The following MYBBP1A variants were observed in gnomAD, a reference collection of about 807,000 sequenced individuals.
The protein encoded by MYBBP1A is myb-binding protein 1A.
Under a neutral mutation model 136.3 loss-of-function variants are expected in MYBBP1A, and 147 were observed. The ratio of observed to expected loss-of-function variants is 1.08; its 90% confidence interval spans 0.94 to 1.24. MYBBP1A has a LOEUF of 1.24. Ranked by LOEUF, MYBBP1A falls within the 50% of genes most tolerant of loss-of-function variation. MYBBP1A has a pLI of 0.00. For missense variants in MYBBP1A, 2,060 were observed against 1,727.4 expected, an observed-to-expected ratio of 1.19 and a Z score of -3.41; for synonymous variants, 947 against 735.8, an observed-to-expected ratio of 1.29 and a Z score of -4.65.
rs1360329967 is a variant in MYBBP1A, at chr17:4,554,942, T to C, written c.213A>G (p.Lys71=). Residue 71 remains lysine (K), a synonymous_variant, in exon 2 of 26, where the codon AAA becomes AAG. Transcript: ENST00000254718. ...CCGTGATTAGACGCTTCAGGGCATA[T>C]TTCATCTCGGACCCCTGCGGAACCA... ...LRGRPKGSEM[K]YALKRLITGL... 3 of 1,613,386 alleles carry C rather than the reference T, an allele frequency of 1.9e-6. No individual in the cohort carries two copies. The highest frequency in any genetic ancestry group is 2.7e-5 in the African/African-American group (2 of 74,908).
At position 4,547,958 on chromosome 17, in the gene MYBBP1A, C is replaced by G. The variant is rs1319583392; in HGVS notation, c.1824G>C (p.Lys608Asn). 6.6e-7 allele frequency: 1 copy of G among 1,504,990 alleles called. No individual in the cohort carries two copies. Among genetic ancestry groups the G allele is most frequent in the Non-Finnish European group, 8.9e-7 (1 of 1,124,106 alleles). The allele number at this position is 1,504,990 out of a possible 1,614,324, so 93.2% of individuals were successfully genotyped here. The part of the protein sequence containing the change: ...LLLLVGIHLL[K>N]SPAESCDLLG... ...GCCCCTCCCTCCCAGGCCCCAGTAC[C>G]TTGAGGAGGTGGATGCCCACGAGGA... Residue 608 changes from lysine (K) to asparagine (N), a missense_variant and splice_region_variant, in exon 13 of 26, where the codon AAG (lysine) becomes AAC (asparagine). By Grantham distance (94) the Lys-to-Asn change is moderately conservative. Coordinates refer to ENST00000254718, the MANE Select transcript of MYBBP1A (RefSeq NM_014520.4).
chr17:4,539,527 AGTG>A lies in MYBBP1A; in HGVS notation c.3872_3874del (p.Pro1291del), dbSNP rs1906151683. The A allele has an allele frequency of 1.2e-6, 2 of 1,614,090 alleles. No homozygotes were observed. The highest frequency in any genetic ancestry group is 1.7e-6 in the Non-Finnish European group (2 of 1,180,014). ...TGCCTTTTTCCGTGCCAGCGCGGACAGTGGTGATTTGCCCAAGACCCCCTTTTT... is the reference window on the plus strand; with the variant it reads ...TGCCTTTTTCCGTGCCAGCGCGGACAGTGATTTGCCCAAGACCCCCTTTTT... On this transcript the variant is annotated inframe_deletion, in exon 26 of 26. Coordinates refer to ENST00000254718, the MANE Select transcript of MYBBP1A (RefSeq NM_014520.4).
chr17:4,553,814 G>A lies in MYBBP1A; in HGVS notation c.557C>T (p.Ser186Phe), dbSNP rs1000797393. 7 of 1,613,754 alleles carry A rather than the reference G, an allele frequency of 4.3e-6. No homozygotes were observed. Among genetic ancestry groups the A allele is most frequent in the African/African-American group, 2.7e-5 (2 of 74,924 alleles). ...GCACAGCTGGGGAGCTCATACCTCG[G>A]AGAGGATGTCCACCAGGGCCTTCCG... ...QPRKALVDILSEVSKATLQEI... is the reference protein window; with the variant it reads ...QPRKALVDILFEVSKATLQEI... The change falls in exon 5 of 26, where the codon TCC (serine) becomes TTC (phenylalanine). Residue 186 changes from serine to phenylalanine, a missense_variant. By Grantham distance (155) the Ser-to-Phe change is radical. Coordinates refer to ENST00000254718, the MANE Select transcript of MYBBP1A (RefSeq NM_014520.4).
At chr17:4,540,045 G>C in intron 25 of MYBBP1A, 78 bp from the exon 26 acceptor site, 10 of 1,480,388 alleles carry the variant, frequency 6.8e-6, no homozygotes, top group Non-Finnish European at 8.2e-6. Flanking sequence ...ACCTCCACCT[G>C]GATTCTGAGG....
chr17:4,542,383 G>A, intron 22 of MYBBP1A, 81 bp downstream of exon 22: 1 of 1,459,938 alleles, frequency 6.8e-7, no homozygotes, highest in Non-Finnish European at 9.3e-7. Context: ...AGCGCTCTGG[G>A]GCCTCACAAT....
Position 4,552,689 on chromosome 17 carries a change from C to G in MYBBP1A, c.562-63G>C. On this transcript the variant is annotated intron_variant, in intron 5 of 25. Coordinates refer to ENST00000254718, the MANE Select transcript of MYBBP1A (RefSeq NM_014520.4). This position sits in a 1 kb window ranked among gnomAD's most constrained non-coding sequence, Gnocchi z 4.7. ...CGGGGTGAGCCTGGTGGATCCTGTT[C>G]TACCTGCTCCTGACACGGGGCCACC... 6.6e-7 allele frequency: 1 copy of G among 1,508,082 alleles called. No individual in the cohort carries two copies. Among genetic ancestry groups the G allele is most frequent in the African/African-American group, 1.4e-5 (1 of 72,512 alleles). 93.4% of individuals were successfully genotyped at this position (1,508,082 alleles called of 1,614,324 possible).
intron 5 of MYBBP1A, 91 bp downstream of exon 5, chr17:4,553,719 G>A (rs1907747166): frequency 2.2e-6 from 2 of 914,716 alleles, no homozygotes; most frequent in Non-Finnish European, 1.7e-6. Context: ...GTATTTCTAT[G>A]GAACAGTGCT....
In MYBBP1A at chr17:4,553,848, C is replaced by T; in HGVS notation, c.523G>A (p.Glu175Lys). The part of the protein sequence containing the change: ...ALAQYQNHLQ[E>K]QPRKALVDIL... ...TCCACCAGGGCCTTCCGGGGCTGCT[C>T]CTGCAAGTGGTTTTGGTACTGGGCC... The change falls in exon 5 of 26, where the codon GAG becomes AAG. Residue 175 changes from glutamate (E) to lysine (K), a missense_variant. Transcript: ENST00000254718. 1 of 1,614,082 alleles carries T rather than the reference C, an allele frequency of 6.2e-7. No individual in the cohort carries two copies. Among genetic ancestry groups the T allele is most frequent in the Non-Finnish European group, 8.5e-7 (1 of 1,180,036 alleles).
rs1321601752 is a variant in MYBBP1A, at chr17:4,552,351, A to G, written c.738-59T>C. On this transcript the variant is annotated intron_variant, in intron 6 of 25. Coordinates refer to ENST00000254718, the MANE Select transcript of MYBBP1A (RefSeq NM_014520.4). This position sits in a 1 kb window ranked among gnomAD's most constrained non-coding sequence, Gnocchi z 4.7. ...CTCACAGGCAAGGGCCAGGGTGACA[A>G]GAGCAGCCGGGACACCCCCAGGCCA... The G allele has an allele frequency of 3.1e-6, 5 of 1,607,414 alleles. No individual in the cohort carries two copies. The Admixed American group carries it at 8.4e-5, about 27-fold the overall frequency.
chr17:4,546,139 G>A (rs1428570456), intron 13 of MYBBP1A, among the ~76,000 whole-genome samples, 197 bp from the exon 14 acceptor site: 1 of 152,244 alleles, frequency 6.6e-6, no homozygotes, highest in Non-Finnish European at 1.5e-5. Flanking sequence ...GGGCTTTTGA[G>A]ATGGAGTCTC....
At chr17:4,546,487 G>C (rs1369415217) in intron 13 of MYBBP1A, among the ~76,000 whole-genome samples, 1 of 152,094 alleles carries the variant, frequency 6.6e-6, no homozygotes, top group Non-Finnish European at 1.5e-5. Flanking sequence ...AGGGGACAAG[G>C]AGTCCAACTC....
At chr17:4,549,773 G>C (rs1907336267) in intron 9 of MYBBP1A, among the ~76,000 whole-genome samples, 1 of 111,420 alleles carries the variant, frequency 9.0e-6, no homozygotes, top group Non-Finnish European at 1.7e-5. Context: ...GCCACAGAGA[G>C]TGAGACTCTG....
In MYBBP1A at chr17:4,545,960, C is replaced by A; in HGVS notation, c.1825-18G>T. 1 of 1,609,270 alleles carries A rather than the reference C, an allele frequency of 6.2e-7. No homozygotes were observed. The highest frequency in any genetic ancestry group is 2.2e-5 in the East Asian group (1 of 44,810). On this transcript the variant is annotated intron_variant, in intron 13 of 25. Coordinates refer to ENST00000254718, the MANE Select transcript of MYBBP1A (RefSeq NM_014520.4). ...GCAGGGGACTGCGGGCAGGGTAGGA[C>A]ACACACTGGGGCCAGGCCCTGTCCC...
In MYBBP1A at chr17:4,538,998, T is replaced by C. The variant is rs752986044; in HGVS notation, c.*417A>G. On this transcript the variant is annotated 3_prime_UTR_variant, in exon 26 of 26. Transcript: ENST00000254718. ...AGTCTTAAGAGAGAAGCCAAATATA[T>C]TCCTCTTGTAAATGAAGAAATAAAC... 2.5e-6 allele frequency: 2 copies of C among 808,990 alleles called. No homozygotes were observed. The highest frequency in any genetic ancestry group is 1.3e-5 in the South Asian group (1 of 75,150). 50.1% of individuals were successfully genotyped at this position (808,990 alleles called of 1,614,324 possible). A position where few individuals can be genotyped will look rare whatever the true frequency, so the allele number is the denominator to read the frequency against.
intron 10 of MYBBP1A, among the ~76,000 whole-genome samples, chr17:4,549,015 G>T (rs1396939847): frequency 1.3e-5 from 2 of 152,260 alleles, no homozygotes; most frequent in African/African-American, 2.4e-5. Context: ...AGGGTGACGT[G>T]AGCACCCAGC....
At chr17:4,540,541 GC>G in intron 24 of MYBBP1A, 57 bp from the exon 25 acceptor site, 1 of 1,507,754 alleles carries the variant, frequency 6.6e-7, no homozygotes, top group Non-Finnish European at 8.9e-7. Flanking sequence ...CCTCTCGCGG[GC>G]TCCCAGTCTT....
Position 4,554,048 on chromosome 17 carries a change from C to T in MYBBP1A, c.424G>A (p.Ala142Thr), listed in dbSNP as rs141664191. ...ACCAGCCGACCTGACTGAAAGAGGGCGAGCACTCCAAACAGGTTTGCAAAG... is the reference window on the plus strand; with the variant it reads ...ACCAGCCGACCTGACTGAAAGAGGGTGAGCACTCCAAACAGGTTTGCAAAG... ...ALFANLFGVL[A>T]LFQSGRLVKD... Residue 142 changes from alanine to threonine, a missense_variant, in exon 4 of 26, where the codon GCC becomes ACC. Transcript: ENST00000254718. 3.4e-5 allele frequency: 55 copies of T among 1,613,970 alleles called. No individual in the cohort carries two copies. The African/African-American group carries it at 3.5e-4, about 10-fold the overall frequency.
intron 22 of MYBBP1A, 31 bp from the exon 23 acceptor site, chr17:4,541,922 C>T: frequency 6.3e-7 from 1 of 1,583,666 alleles, no homozygotes. Flanking sequence ...GTGGCAGGAG[C>T]CTTGGCACGT....
At chr17:4,540,859 G>A (rs1160995535) in intron 24 of MYBBP1A, among the ~76,000 whole-genome samples, 1 of 150,796 alleles carries the variant, frequency 6.6e-6, no homozygotes, top group African/African-American at 2.4e-5. Context: ...ATGGGTTATT[G>A]TTGGAATCCG....
Sources: allele counts gnomAD v4.1 joint callset (sites outside exome capture counted in the v4.1 genomes callset), GRCh38; gene constraint gnomAD v4.1.1; non-coding constraint Gnocchi (gnomAD v3.1); transcripts MANE v1.5; gene names NCBI Gene and HGNC (gene_info 2026-07-23, HGNC 2026-07-21).